KLHL29: variants seen among roughly 807,000 people sequenced by gnomAD.
The protein encoded by KLHL29 is kelch-like protein 29.
In KLHL29, 21 loss-of-function variants were observed where a neutral mutation model predicts 80.4. That is an observed-to-expected ratio of 0.26 (90% confidence interval 0.19 to 0.38). The LOEUF is 0.38. Ranked by LOEUF, KLHL29 falls within the 10% of genes least tolerant of loss-of-function variation. The pLI is 1.00. For synonymous variants in KLHL29, 511 were observed against 526.8 expected, an observed-to-expected ratio of 0.97 and a Z score of 0.41; for missense variants, 867 against 1,223.9, an observed-to-expected ratio of 0.71 and a Z score of 4.35.
intron 2 of KLHL29, among the ~76,000 whole-genome samples, chr2:23,486,609 C>A (rs1664938671): frequency 6.6e-6 from 1 of 152,168 alleles, no homozygotes; most frequent in African/African-American, 2.4e-5. Context: ...CTGTCATTAA[C>A]AATTATGAAG....
At chr2:23,395,420 G>T (rs1221650776) in intron 1 of KLHL29, among the ~76,000 whole-genome samples, 3 of 152,160 alleles carry the variant, frequency 2.0e-5, no homozygotes, top group Non-Finnish European at 4.4e-5. Context: ...TTCCCAGTGT[G>T]TGCCGAGATA....
chr2:23,591,078 G>A (rs1054806265), intron 3 of KLHL29, among the ~76,000 whole-genome samples: 4 of 152,182 alleles, frequency 2.6e-5, no homozygotes, highest in East Asian at 1.9e-4. Flanking sequence ...GCGCCAGGCC[G>A]GAAGGTGGGG....
intron 5 of KLHL29, among the ~76,000 whole-genome samples, chr2:23,659,885 G>A (rs1670357076): frequency 6.6e-6 from 1 of 151,930 alleles, no homozygotes; most frequent in Admixed American, 6.6e-5. Flanking sequence ...CATGGTCAGA[G>A]CAATCTTCCT....
chr2:23,594,510 T>G (rs1668349507), intron 3 of KLHL29, among the ~76,000 whole-genome samples: 1 of 152,304 alleles, frequency 6.6e-6, no homozygotes, highest in Admixed American at 6.5e-5. Flanking sequence ...GTAAACACAT[T>G]AAAAATGGCC....
intron 3 of KLHL29, among the ~76,000 whole-genome samples, chr2:23,563,505 G>C (rs896964677): frequency 2.0e-5 from 3 of 152,250 alleles, no homozygotes. Context: ...GTGTGCATGA[G>C]TGTATGTGTG....
At chr2:23,618,035 G>C (rs1023967044) in intron 3 of KLHL29, 1 of 152,178 alleles carries the variant, frequency 6.6e-6, no homozygotes, top group Non-Finnish European at 1.5e-5. Context: ...TTATTTGCTG[G>C]GGGGCGGAGA....
rs115135474 is a variant in KLHL29, at chr2:23,437,439, A to G, written c.-153-38121A>G. Among the ~76,000 whole-genome samples the G allele has an allele frequency of 1.5e-3, 228 of 152,316 alleles. 1 individual carries two copies. Among genetic ancestry groups the G allele is most frequent in the Middle Eastern group, 0.01 (3 of 294 alleles). On this transcript the variant is annotated intron_variant, in intron 1 of 13. Transcript: ENST00000486442. ...GGATGAAAGGCATTTTCTTTTACGTAGGTGACCTGGTTTTTGTTTTCATGA... is the reference window on the plus strand; with the variant it reads ...GGATGAAAGGCATTTTCTTTTACGTGGGTGACCTGGTTTTTGTTTTCATGA...
chr2:23,597,305 ATATATGTG>A (rs1668435011), intron 3 of KLHL29, among the ~76,000 whole-genome samples: 5 of 97,610 alleles, frequency 5.1e-5, no homozygotes, highest in East Asian at 3.5e-4. Flanking sequence ...TCATATATAT[ATATATGTG>A]TGTGTGTGTG....
chr2:23,596,176 C>T lies in KLHL29; in HGVS notation c.285+33695C>T, dbSNP rs1187912451. On this transcript the variant is annotated intron_variant, in intron 3 of 13. Transcript: ENST00000486442. The surrounding 1 kb of genome is among the most constrained non-coding windows in gnomAD (Gnocchi z 4.4). ...TCGGCAGCCAGCCGGACGGGCAGGC[C>T]GGGGGCGGGGCAGGGCAACAGCCTT... Among the ~76,000 whole-genome samples, 2 of 152,188 alleles carry T rather than the reference C, an allele frequency of 1.3e-5. No homozygotes were observed. The highest frequency in any genetic ancestry group is 4.8e-5 in the African/African-American group (2 of 41,436).
chr2:23,545,513 C>T (rs2103485985), intron 2 of KLHL29, among the ~76,000 whole-genome samples: 1 of 152,282 alleles, frequency 6.6e-6, no homozygotes, highest in African/African-American at 2.4e-5. Context: ...GTGGGGTGTC[C>T]CCAGGCCAGG....
chr2:23,503,409 T>C lies in KLHL29; in HGVS notation c.-46+27742T>C, dbSNP rs1665509842. Among the ~76,000 whole-genome samples, 1 of 152,222 alleles carries C rather than the reference T, an allele frequency of 6.6e-6. No individual in the cohort carries two copies. Among genetic ancestry groups the C allele is most frequent in the Non-Finnish European group, 1.5e-5 (1 of 68,032 alleles). Reference sequence around the variant, plus strand: ...ATTCTCTTTGTTATCTTTGGCCACTTACATGTTTGCCATGATCATTGCCAA... The same window carrying C: ...ATTCTCTTTGTTATCTTTGGCCACTCACATGTTTGCCATGATCATTGCCAA... On this transcript the variant is annotated intron_variant, in intron 2 of 13. Coordinates refer to ENST00000486442, the MANE Select transcript of KLHL29 (RefSeq NM_052920.2). The surrounding 1 kb of genome is among the most constrained non-coding windows in gnomAD (Gnocchi z 4.0).
intron 2 of KLHL29, among the ~76,000 whole-genome samples, chr2:23,515,525 C>T (rs567486293): frequency 4.3e-4 from 66 of 152,346 alleles, no homozygotes; most frequent in Middle Eastern, 6.8e-3. Flanking sequence ...TCTACTTCCA[C>T]AGCTCCTGTG....
chr2:23,477,972 G>A lies in KLHL29; in HGVS notation c.-46+2305G>A, dbSNP rs538247307. On this transcript the variant is annotated intron_variant, in intron 2 of 13. Coordinates refer to ENST00000486442, the MANE Select transcript of KLHL29 (RefSeq NM_052920.2). ...GCACATGGCTCTTGTTCTCTTGTTC[G>A]TCCTGAGCTCTGGCAATCATGTACT... is the stretch of plus-strand genomic sequence containing the variant. Among the ~76,000 whole-genome samples, 145 of 152,206 alleles carry A rather than the reference G, an allele frequency of 9.5e-4. 1 individual carries two copies. Among genetic ancestry groups the A allele is most frequent in the Non-Finnish European group, 1.6e-3 (109 of 68,004 alleles).
intron 4 of KLHL29, among the ~76,000 whole-genome samples, chr2:23,641,349 G>C (rs1669763763): frequency 6.6e-6 from 1 of 152,142 alleles, no homozygotes; most frequent in Non-Finnish European, 1.5e-5. Context: ...TTAGCACAAG[G>C]CCTGCCCTCC....
At position 23,706,745 on chromosome 2, in the gene KLHL29, C is replaced by T. The variant is rs1672750016; in HGVS notation, c.*81C>T. On this transcript the variant is annotated 3_prime_UTR_variant, in exon 14 of 14. Coordinates refer to ENST00000486442, the MANE Select transcript of KLHL29 (RefSeq NM_052920.2). Reference sequence around the variant, plus strand: ...CGCAATGATAATTTTCCAGCGACACCAACAAGAGGCCAACAAAACACAATC... The same window carrying T: ...CGCAATGATAATTTTCCAGCGACACTAACAAGAGGCCAACAAAACACAATC... The T allele has an allele frequency of 2.0e-6, 2 of 989,754 alleles. No homozygotes were observed. Among genetic ancestry groups the T allele is most frequent in the African/African-American group, 3.3e-5 (2 of 60,350 alleles). 61.3% of individuals were successfully genotyped at this position (989,754 alleles called of 1,614,324 possible). A position where few individuals can be genotyped will look rare whatever the true frequency, so the allele number is the denominator to read the frequency against.
chr2:23,592,167 C>T (rs1668282226), intron 3 of KLHL29, among the ~76,000 whole-genome samples: 1 of 152,226 alleles, frequency 6.6e-6, no homozygotes, highest in South Asian at 2.1e-4. Flanking sequence ...TGGTTGGTGG[C>T]CCCAGCTGGC....
chr2:23,608,708 T>A (rs187948101), intron 3 of KLHL29, among the ~76,000 whole-genome samples: 43 of 152,306 alleles, frequency 2.8e-4, no homozygotes, highest in Admixed American at 8.5e-4. Context: ...AGCGTTTAGA[T>A]ACCAAACCCA....
chr2:23,591,431 C>T (rs955898014), intron 3 of KLHL29, among the ~76,000 whole-genome samples: 2 of 152,102 alleles, frequency 1.3e-5, no homozygotes, highest in Non-Finnish European at 2.9e-5. Flanking sequence ...GCACTTCAGA[C>T]TCACTTCTTC....
At chr2:23,493,679 ATG>A (rs764470386) in intron 2 of KLHL29, among the ~76,000 whole-genome samples, 1 of 151,574 alleles carries the variant, frequency 6.6e-6, no homozygotes, top group African/African-American at 2.4e-5. Context: ...GTGCATGTGT[ATG>A]TGTGTGTGCA....
Sources: gnomAD v4.1 joint callset for allele counts (sites outside exome capture counted in the v4.1 genomes callset) on GRCh38, gnomAD v4.1.1 for gene constraint, Gnocchi (gnomAD v3.1) non-coding constraint, MANE v1.5 for transcripts, NCBI Gene and HGNC (gene_info 2026-07-23, HGNC 2026-07-21) for gene names.